Variants in ERCC2 observed in about 807,000 individuals in gnomAD.
The protein encoded by ERCC2 is general transcription and DNA repair factor IIH helicase subunit XPD.
A neutral mutation model predicts 99.4 loss-of-function variants in ERCC2; 90 were observed. That is an observed-to-expected ratio of 0.91 (90% CI 0.76 to 1.08). ERCC2 has a LOEUF of 1.08. Among genes scored for constraint, ERCC2 ranks in the 50% least tolerant of loss-of-function variants. The probability of loss-of-function intolerance (pLI) is 0.00; values close to 1 mark genes in which losing one functional copy is unlikely to be tolerated. For missense variants in ERCC2, 993 were observed against 1,038.1 expected (o/e 0.96, Z 0.60); for synonymous variants, 497 against 432.4 (o/e 1.15, Z -1.85).
At chr19:45,354,994 G>T in intron 16 of ERCC2, 143 bp from the exon 17 acceptor site, 2 of 1,057,406 alleles carry the variant, frequency 1.9e-6, no homozygotes, top group Non-Finnish European at 1.4e-6. Flanking sequence ...TCCCGGGCGT[G>T]TCTGAGGACC....
Position 45,363,775 on chromosome 19 carries a change from G to C in ERCC2, c.1086C>G (p.Ala362=), listed in dbSNP as rs1398834059. The C allele has an allele frequency of 1.3e-6, 2 of 1,537,682 alleles. No homozygotes were observed. The highest frequency in any genetic ancestry group is 2.7e-5 in the African/African-American group (2 of 73,202). The stretch of plus-strand genomic sequence containing the variant: ...GCTTGCGCTGGATGCACACGCGCTG[G>C]GCCAGGCCGCTCAGGAAGGCGGGCG... ...ESPPAFLSGL[A]QRVCIQRKPL... is the part of the protein sequence containing the mutation. The change falls in exon 11 of 23, where the codon GCC becomes GCG. Residue 362 remains alanine, a synonymous_variant. Transcript: ENST00000391945.
intron 12 of ERCC2, among the ~76,000 whole-genome samples, chr19:45,359,715 T>A (rs1297475035): frequency 6.7e-6 from 1 of 150,320 alleles, no homozygotes; most frequent in Non-Finnish European, 1.5e-5. Context: ...CCAAGGCCCC[T>A]CCCCTCCTGC....
intron 12 of ERCC2, among the ~76,000 whole-genome samples, chr19:45,359,463 A>G (rs1260524105): frequency 6.6e-6 from 1 of 152,088 alleles, no homozygotes; most frequent in Non-Finnish European, 1.5e-5. Flanking sequence ...TACAGGAGAA[A>G]CCCCCAGGAG....
At chr19:45,370,297 C>T in intron 1 of ERCC2, 65 bp from the exon 2 acceptor site, 1 of 1,586,922 alleles carries the variant, frequency 6.3e-7, no homozygotes, top group Non-Finnish European at 8.6e-7. Context: ...CCACAGTGCC[C>T]GGTCGTCGAG....
In ERCC2 at chr19:45,351,737, G is replaced by A. The variant is rs771255229; in HGVS notation, c.2191-16C>T. On this transcript the variant is annotated splice_polypyrimidine_tract_variant and intron_variant, in intron 22 of 22. Transcript: ENST00000391945. ...GCTGATCCTCCTGCAGAGAACAGAG[G>A]AAAGGGAGAGGGGGGCACTGTTGGG... The A allele has an allele frequency of 4.3e-6, 7 of 1,612,388 alleles. No individual in the cohort carries two copies. The highest frequency in any genetic ancestry group is 5.9e-6 in the Non-Finnish European group (7 of 1,179,020).
chr19:45,353,028 G>A, intron 19 of ERCC2, 55 bp downstream of exon 19: 1 of 1,556,684 alleles, frequency 6.4e-7, no homozygotes, highest in Non-Finnish European at 8.8e-7. Flanking sequence ...GAGCGGGCAG[G>A]TGTTCCAGAG....
At chr19:45,365,634 T>C (rs1599746204) in intron 5 of ERCC2, among the ~76,000 whole-genome samples, 1 of 147,252 alleles carries the variant, frequency 6.8e-6, no homozygotes, top group East Asian at 2.0e-4. Flanking sequence ...AAAATAAAAA[T>C]ACAAAAATGA....
At position 45,363,460 on chromosome 19, in the gene ERCC2, C is replaced by G. The variant is rs564910176; in HGVS notation, c.1118+283G>C. ...ACCCTCCTTGGCTCCTCCCCCAGCC[C>G]GCCCCTCTGTAAATGGTGCTCCCAC... On this transcript the variant is annotated intron_variant, in intron 11 of 22. Transcript: ENST00000391945. Among the ~76,000 whole-genome samples, 177 of 152,318 alleles carry G rather than the reference C, an allele frequency of 1.2e-3. 3 individuals carry two copies. Among genetic ancestry groups the G allele is most frequent in the South Asian group, 2.7e-3 (13 of 4,832 alleles).
intron 12 of ERCC2, among the ~76,000 whole-genome samples, chr19:45,359,655 A>G (rs923677598): frequency 1.3e-5 from 2 of 151,922 alleles, no homozygotes; most frequent in Admixed American, 1.3e-4. Flanking sequence ...TCTACCTCCC[A>G]CATCTCTCTC....
At position 45,352,248 on chromosome 19, in the gene ERCC2, G is replaced by T. The variant is rs781150222; in HGVS notation, c.2151C>A (p.Ala717=). Residue 717 remains alanine, a synonymous_variant, in exon 22 of 23, where the codon GCC becomes GCA. Coordinates refer to ENST00000391945, the MANE Select transcript of ERCC2 (RefSeq NM_000400.4). ...NLTVDEGVQV[A]KYFLRQMAQP... ...GTGCCATCTGCCGCAGGAAGTACTTGGCCACCTGGACACCCTCGTCCACGG... is the reference window on the plus strand; with the variant it reads ...GTGCCATCTGCCGCAGGAAGTACTTTGCCACCTGGACACCCTCGTCCACGG... The T allele has an allele frequency of 3.1e-6, 5 of 1,613,978 alleles. No individual in the cohort carries two copies. The highest frequency in any genetic ancestry group is 4.2e-6 in the Non-Finnish European group (5 of 1,180,018).
At chr19:45,359,785 T>A (rs1180424456) in intron 12 of ERCC2, among the ~76,000 whole-genome samples, 4 of 151,982 alleles carry the variant, frequency 2.6e-5, no homozygotes, top group African/African-American at 9.7e-5. Flanking sequence ...GAACTCTTTT[T>A]TTTTTTTTGA....
At position 45,352,230 on chromosome 19, in the gene ERCC2, C is replaced by T; in HGVS notation, c.2169G>A (p.Gln723=). 6.2e-7 allele frequency: 1 copy of T among 1,614,038 alleles called. No homozygotes were observed. Among genetic ancestry groups the T allele is most frequent in the Non-Finnish European group, 8.5e-7 (1 of 1,180,002 alleles). Residue 723 remains glutamine, a synonymous_variant, in exon 22 of 23, where the codon CAG becomes CAA. Coordinates refer to ENST00000391945, the MANE Select transcript of ERCC2 (RefSeq NM_000400.4). ...TCACCCGGTGGAAGGGCTGTGCCAT[C>T]TGCCGCAGGAAGTACTTGGCCACCT... The part of the protein sequence containing the change: ...GVQVAKYFLR[Q]MAQPFHREDQ...
intron 12 of ERCC2, among the ~76,000 whole-genome samples, chr19:45,359,392 A>G (rs1013011194): frequency 6.6e-6 from 1 of 152,238 alleles, no homozygotes; most frequent in Admixed American, 6.5e-5. Flanking sequence ...GCAAGGGCCC[A>G]GATCTCCATC....
chr19:45,351,218 G>A lies in ERCC2; in HGVS notation c.*411C>T. 6.3e-7 allele frequency: 1 copy of A among 1,591,072 alleles called. No individual in the cohort carries two copies. Among genetic ancestry groups the A allele is most frequent in the Non-Finnish European group, 8.6e-7 (1 of 1,168,552 alleles). On this transcript the variant is annotated 3_prime_UTR_variant, in exon 23 of 23. Coordinates refer to ENST00000391945, the MANE Select transcript of ERCC2 (RefSeq NM_000400.4). ...ATAGTTGGCTGCCAGGCTGGACCTG[G>A]AGCTGGAGGGTGGATGTAACACTTG...
intron 1 of ERCC2, 56 bp downstream of exon 1, chr19:45,370,480 C>T (rs1200954454): frequency 2.9e-5 from 45 of 1,553,242 alleles, no homozygotes; most frequent in Non-Finnish European, 3.7e-5. Context: ...CCGATGACCC[C>T]ATCTTCAAGA....
At chr19:45,370,303 T>TCGAGC in intron 1 of ERCC2, 71 bp from the exon 2 acceptor site, 15 of 1,583,456 alleles carry the variant, frequency 9.5e-6, no homozygotes, top group Non-Finnish European at 1.3e-5. Context: ...TGCCCGGTCG[T>TCGAGC]CGAGCCCAGA....
chr19:45,368,501 C>T (rs770487481), intron 5 of ERCC2, 129 bp downstream of exon 5: 17 of 725,338 alleles, frequency 2.3e-5, no homozygotes, highest in East Asian at 5.4e-5. Context: ...ACCACTGAGA[C>T]GGGAATTCTG....
At position 45,351,045 on chromosome 19, in the gene ERCC2, G is replaced by T. The variant is rs1189623081; in HGVS notation, c.*584C>A. On this transcript the variant is annotated 3_prime_UTR_variant, in exon 23 of 23. Transcript: ENST00000391945. ...GAGGGGGACATCTGGGTCAAAAATA[G>T]AGGAGGCCATGTGGGTAGGTGCAGA... The T allele has an allele frequency of 6.2e-7, 1 of 1,614,040 alleles. No individual in the cohort carries two copies. The highest frequency in any genetic ancestry group is 2.2e-5 in the East Asian group (1 of 44,876).
Position 45,352,767 on chromosome 19 carries a change from G to C in ERCC2, c.1881C>G (p.Tyr627Ter), listed in dbSNP as rs1971856905. The C allele has an allele frequency of 6.2e-7, 1 of 1,613,822 alleles. No individual in the cohort carries two copies. Among genetic ancestry groups the C allele is most frequent in the Non-Finnish European group, 8.5e-7 (1 of 1,179,910 alleles). Residue 627 changes from tyrosine (Y) to a stop codon, truncating the protein, a stop_gained, in exon 20 of 23, where the codon TAC (tyrosine) becomes TAG (stop). Coordinates refer to ENST00000391945, the MANE Select transcript of ERCC2 (RefSeq NM_000400.4). LOFTEE classifies it high-confidence loss of function. ...TCACCTTGAGAATGCGGCTCTGTGT[G>C]TAGACGTAGGGGACGCCAAACATGA... Reference protein sequence around the residue: ...AVIMFGVPYVYTQSRILKARL... With the variant: ...AVIMFGVPYV
Sources: allele counts gnomAD v4.1 joint callset (sites outside exome capture counted in the v4.1 genomes callset), GRCh38; gene constraint gnomAD v4.1.1; transcripts MANE v1.5; gene names NCBI Gene and HGNC (gene_info 2026-07-23, HGNC 2026-07-21).